Variants in PCDHGA5 observed in about 807,000 individuals in gnomAD.
The protein encoded by PCDHGA5 is protocadherin gamma subfamily A, 5.
In PCDHGA5, 36 loss-of-function variants were observed where a neutral mutation model predicts 56.7. The observed-to-expected ratio is 0.64, with a 90% confidence interval of 0.49 to 0.84. The LOEUF (loss-of-function observed/expected upper bound fraction) is 0.84, where lower values mean the gene tolerates loss of function less well. PCDHGA5 is among the 40% of genes least tolerant of loss of function. The probability of loss-of-function intolerance (pLI) is 0.00; values close to 1 mark genes in which losing one functional copy is unlikely to be tolerated. For missense variants in PCDHGA5, 1,305 were observed against 1,201.5 expected, an observed-to-expected ratio of 1.09 and a Z score of -1.27; for synonymous variants, 563 against 520.2, an observed-to-expected ratio of 1.08 and a Z score of -1.12.
rs1177173734 is a variant in PCDHGA5, at chr5:141,491,741, G to T, written c.2422-3066G>T. 1.3e-6 allele frequency: 2 copies of T among 1,595,762 alleles called. No individual in the cohort carries two copies. On this transcript the variant is annotated intron_variant, in intron 1 of 3. Transcript: ENST00000518069. This position sits in a 1 kb window ranked among gnomAD's most constrained non-coding sequence, Gnocchi z 6.9. ...CCGCCCCGGGCGACCCCTGGGGGCG[G>T]CACTGGAGAAGCCGCCCGTCCTCAT... is the stretch of plus-strand genomic sequence containing the variant.
At chr5:141,409,719 CAGTG>C (rs2095305881) in intron 1 of PCDHGA5, 2 of 1,613,090 alleles carry the variant, frequency 1.2e-6, no homozygotes, top group South Asian at 2.2e-5. Flanking sequence ...TCATACGTGT[CAGTG>C]AGCGCGCAGA....
intron 1 of PCDHGA5, chr5:141,409,680 C>T (rs756713114): frequency 1.9e-6 from 3 of 1,613,242 alleles, no homozygotes; most frequent in African/African-American, 1.3e-5. Context: ...TCTATAGTGG[C>T]GAGTGACCTA....
At position 141,393,057 on chromosome 5, in the gene PCDHGA5, G is replaced by C. The variant is rs1273747847; in HGVS notation, c.2421+26306G>C. 9 of 1,613,514 alleles carry C rather than the reference G, an allele frequency of 5.6e-6. No homozygotes were observed. The highest frequency in any genetic ancestry group is 2.2e-5 in the South Asian group (2 of 91,064). ...GCTCTTTGCTCTGAACCCGCGCAGC[G>C]GCAGCTTGATCACCGCGGGCAGGAT... On this transcript the variant is annotated intron_variant, in intron 1 of 3. Coordinates refer to ENST00000518069, the MANE Select transcript of PCDHGA5 (RefSeq NM_018918.3).
At position 141,393,231 on chromosome 5, in the gene PCDHGA5, G is replaced by A. The variant is rs1309107381; in HGVS notation, c.2421+26480G>A. On this transcript the variant is annotated intron_variant, in intron 1 of 3. Transcript: ENST00000518069. Reference sequence around the variant, plus strand: ...AAAATTCCAGGTCGAAGATCTAGAAGTAAAAATTAACGAAATCGCGGTTCC... The same window carrying A: ...AAAATTCCAGGTCGAAGATCTAGAAATAAAAATTAACGAAATCGCGGTTCC... 2.5e-6 allele frequency: 4 copies of A among 1,613,738 alleles called. 1 individual carries two copies. In the South Asian group the frequency reaches 4.4e-5, roughly 18 times the overall value.
rs747671382 is a variant in PCDHGA5 at position 141,444,152 on chromosome 5, A to ATTTTTTTT, written c.2422-50626_2422-50619dup. ...GATATGTGTCACTTGTGTGTACTGG[A>ATTTTTTTT]TTTTTTTTTTTTTTTTTTTTTTTTT... On this transcript the variant is annotated intron_variant, in intron 1 of 3. Transcript: ENST00000518069. Among the ~76,000 whole-genome samples, 8 of 33,898 alleles carry ATTTTTTTT rather than the reference A, an allele frequency of 2.4e-4. 3 individuals are homozygous for ATTTTTTTT. Among genetic ancestry groups the ATTTTTTTT allele is most frequent in the African/African-American group, 5.6e-4 (4 of 7,184 alleles). The allele number at this position is 33,898 out of a possible 152,430, so 22.2% of individuals were successfully genotyped here.
chr5:141,472,878 C>G (rs774209715), intron 1 of PCDHGA5, among the ~76,000 whole-genome samples: 1 of 146,132 alleles, frequency 6.8e-6, no homozygotes, highest in East Asian at 2.1e-4. Context: ...CCCAGCTACT[C>G]GGGAGGCTGA....
chr5:141,410,462 CTG>C (rs1258642453), intron 1 of PCDHGA5: 1 of 1,613,924 alleles, frequency 6.2e-7, no homozygotes, highest in East Asian at 2.2e-5. Context: ...TTCTTATAAT[CTG>C]TGCATTGCAC....
In PCDHGA5 at chr5:141,490,584, T is replaced by C; in HGVS notation, c.2422-4223T>C. The stretch of plus-strand genomic sequence containing the variant: ...TCAGGCTCAACATTTCAGATGTCAA[T>C]GACAATGCACCCCGCTTCAACCAGC... On this transcript the variant is annotated intron_variant, in intron 1 of 3. Coordinates refer to ENST00000518069, the MANE Select transcript of PCDHGA5 (RefSeq NM_018918.3). The surrounding 1 kb of genome is among the most constrained non-coding windows in gnomAD (Gnocchi z 5.4). 6.2e-7 allele frequency: 1 copy of C among 1,614,170 alleles called. No individual in the cohort carries two copies. Among genetic ancestry groups the C allele is most frequent in the South Asian group, 1.1e-5 (1 of 91,080 alleles).
chr5:141,450,903 C>T (rs1468232105), intron 1 of PCDHGA5, among the ~76,000 whole-genome samples: 3 of 151,086 alleles, frequency 2.0e-5, no homozygotes, highest in African/African-American at 7.3e-5. Context: ...CGGCTCACTG[C>T]AACCGCTGCC....
chr5:141,476,267 G>T lies in PCDHGA5; in HGVS notation c.2422-18540G>T, dbSNP rs373758158. 15 of 1,614,056 alleles carry T rather than the reference G, an allele frequency of 9.3e-6. No homozygotes were observed. In the South Asian group the frequency reaches 1.6e-4, roughly 18 times the overall value. On this transcript the variant is annotated intron_variant, in intron 1 of 3. Transcript: ENST00000518069. This position sits in a 1 kb window ranked among gnomAD's most constrained non-coding sequence, Gnocchi z 7.6. ...GAAGGGTTTCGCTGTGGGCAACGTGGTCGCGAACCTTGGTTTGGATCTCGG... is the reference window on the plus strand; with the variant it reads ...GAAGGGTTTCGCTGTGGGCAACGTGTTCGCGAACCTTGGTTTGGATCTCGG...
rs780243212 is a variant in PCDHGA5, at chr5:141,366,110, G to A, written c.1780G>A (p.Val594Met). The A allele has an allele frequency of 1.9e-6, 3 of 1,614,230 alleles. No homozygotes were observed. The highest frequency in any genetic ancestry group is 1.1e-5 in the South Asian group (1 of 91,088). Residue 594 changes from valine (V) to methionine (M), a missense_variant, in exon 1 of 4, where the codon GTG (valine) becomes ATG (methionine). Physicochemically the swap from Val to Met is conservative, Grantham distance 21. Coordinates refer to ENST00000518069, the MANE Select transcript of PCDHGA5 (RefSeq NM_018918.3). ...CTACCTGGTGACCAAGGTGGTAGCG[G>A]TGGACAAAGATTCAGGCCAGAACGC... ...PGYLVTKVVA[V>M]DKDSGQNAWL... is the part of the protein sequence containing the mutation.
chr5:141,477,566 C>T lies in PCDHGA5; in HGVS notation c.2422-17241C>T, dbSNP rs749100730. On this transcript the variant is annotated intron_variant, in intron 1 of 3. Coordinates refer to ENST00000518069, the MANE Select transcript of PCDHGA5 (RefSeq NM_018918.3). The surrounding 1 kb of genome is among the most constrained non-coding windows in gnomAD (Gnocchi z 4.9). ...AATACTAAACCTAAGTGTCTGGGAC[C>T]CCGACGCCCCGCAGAATGCTCGGCT... The T allele has an allele frequency of 1.9e-6, 3 of 1,613,988 alleles. No homozygotes were observed. The highest frequency in any genetic ancestry group is 8.5e-7 in the Non-Finnish European group (1 of 1,180,032).
chr5:141,485,426 C>T lies in PCDHGA5; in HGVS notation c.2422-9381C>T. 6.2e-7 allele frequency: 1 copy of T among 1,614,158 alleles called. No individual in the cohort carries two copies. Among genetic ancestry groups the T allele is most frequent in the South Asian group, 1.1e-5 (1 of 91,078 alleles). ...TGTGGATTTGGACAGCGGAGCCCTGCTCATCAAGAACCCAATCGACCGAGA... is the reference window on the plus strand; with the variant it reads ...TGTGGATTTGGACAGCGGAGCCCTGTTCATCAAGAACCCAATCGACCGAGA... On this transcript the variant is annotated intron_variant, in intron 1 of 3. Transcript: ENST00000518069. The surrounding 1 kb of genome is among the most constrained non-coding windows in gnomAD (Gnocchi z 5.7).
At chr5:141,370,972 A>G in intron 1 of PCDHGA5, 1 of 1,614,000 alleles carries the variant, frequency 6.2e-7, no homozygotes, top group Non-Finnish European at 8.5e-7. Context: ...AGGTACCCAG[A>G]GCTAGTACTG....
At chr5:141,398,425 C>G (rs2093656331) in intron 1 of PCDHGA5, 2 of 1,519,432 alleles carry the variant, frequency 1.3e-6, no homozygotes, top group East Asian at 2.3e-5. Flanking sequence ...CGGGAAGAAG[C>G]CAGCTTGTGC....
intron 1 of PCDHGA5, chr5:141,440,534 C>A (rs562736984): frequency 1.3e-5 from 2 of 152,188 alleles, no homozygotes; most frequent in East Asian, 3.9e-4. Flanking sequence ...TCATGCACCA[C>A]GGTTCAGCAG....
chr5:141,389,324 G>A (rs1425596117), intron 1 of PCDHGA5: 2 of 1,613,848 alleles, frequency 1.2e-6, no homozygotes, highest in African/African-American at 1.3e-5. Flanking sequence ...CGGACTTGGG[G>A]CCCAACGGCC....
In PCDHGA5 at chr5:141,488,566, A is replaced by T. The variant is rs1354931497; in HGVS notation, c.2422-6241A>T. On this transcript the variant is annotated intron_variant, in intron 1 of 3. Coordinates refer to ENST00000518069, the MANE Select transcript of PCDHGA5 (RefSeq NM_018918.3). ...TGTCAGCTGACATTGAGATTTCCGC[A>T]AAGCATTGCTGGAGAGTCAGGGCAA... 5.9e-5 allele frequency among the ~76,000 whole-genome samples: 9 copies of T among 152,324 alleles called. No individual in the cohort carries two copies. In the East Asian group the frequency reaches 1.5e-3, roughly 26 times the overall value.
In PCDHGA5 at chr5:141,489,423, C is replaced by A. The variant is rs754178145; in HGVS notation, c.2422-5384C>A. 7.4e-6 allele frequency: 12 copies of A among 1,613,982 alleles called. No homozygotes were observed. Among genetic ancestry groups the A allele is most frequent in the Non-Finnish European group, 1.0e-5 (12 of 1,180,044 alleles). On this transcript the variant is annotated intron_variant, in intron 1 of 3. Transcript: ENST00000518069. The surrounding 1 kb of genome is among the most constrained non-coding windows in gnomAD (Gnocchi z 4.5). Reference sequence around the variant, plus strand: ...GCTTAAAGATGACAGATCTGTTGAGCCGGCGGCTGCAATTGGGCTCTGAGG... The same window carrying A: ...GCTTAAAGATGACAGATCTGTTGAGACGGCGGCTGCAATTGGGCTCTGAGG...
Sources: allele counts gnomAD v4.1 joint callset (sites outside exome capture counted in the v4.1 genomes callset), GRCh38; gene constraint gnomAD v4.1.1; non-coding constraint Gnocchi (gnomAD v3.1); transcripts MANE v1.5; gene names NCBI Gene and HGNC (gene_info 2026-07-23, HGNC 2026-07-21).